The following KCNT2 variants were observed in gnomAD, a reference collection of about 807,000 sequenced individuals.
KCNT2 encodes potassium sodium-activated channel subfamily T member 2.
Under a neutral mutation model 153.8 loss-of-function variants are expected in KCNT2, and 67 were observed. The observed-to-expected ratio is 0.44, with a 90% confidence interval of 0.36 to 0.53. KCNT2 has a LOEUF of 0.53. Ranked by LOEUF, KCNT2 falls within the 20% of genes least tolerant of loss-of-function variation. The probability of loss-of-function intolerance (pLI) is 0.00; values close to 1 mark genes in which losing one functional copy is unlikely to be tolerated. For missense variants in KCNT2, 975 were observed against 1,354.8 expected (o/e 0.72, Z 4.40); for synonymous variants, 500 against 458.8 (o/e 1.09, Z -1.15).
intron 8 of KCNT2, among the ~76,000 whole-genome samples, chr1:196,434,684 A>T (rs944220455): frequency 1.3e-5 from 2 of 151,964 alleles, no homozygotes; most frequent in African/African-American, 4.8e-5. Flanking sequence ...CCATCAAGAT[A>T]TGAAGTCTAT....
intron 25 of KCNT2, among the ~76,000 whole-genome samples, chr1:196,277,719 T>TA (rs1251200974): frequency 6.6e-6 from 1 of 152,202 alleles, no homozygotes; most frequent in African/African-American, 2.4e-5. Context: ...TTTTGAACAC[T>TA]AATGGTTATT....
At chr1:196,291,684 T>G (rs1660198799) in intron 22 of KCNT2, among the ~76,000 whole-genome samples, 1 of 152,154 alleles carries the variant, frequency 6.6e-6, no homozygotes, top group Admixed American at 6.5e-5. Context: ...AAATCTGAAC[T>G]ACAGAGGAGT....
intron 22 of KCNT2, among the ~76,000 whole-genome samples, chr1:196,296,950 G>A (rs1660727529): frequency 6.6e-6 from 1 of 151,884 alleles, no homozygotes; most frequent in Non-Finnish European, 1.5e-5. Context: ...AAAATCATTG[G>A]TTTCATGTCC....
At chr1:196,532,484 T>C (rs1655077014) in intron 1 of KCNT2, among the ~76,000 whole-genome samples, 1 of 151,962 alleles carries the variant, frequency 6.6e-6, no homozygotes, top group Non-Finnish European at 1.5e-5. Flanking sequence ...AAAATCTATA[T>C]AAACAAGAGA....
intron 24 of KCNT2, 34 bp from the exon 25 acceptor site, chr1:196,281,022 G>A (rs749425884): frequency 5.2e-6 from 8 of 1,549,286 alleles, no homozygotes; most frequent in Middle Eastern, 3.5e-4. Flanking sequence ...CATATTAAAT[G>A]TGTCAGAAAT....
At position 196,372,288 on chromosome 1, in the gene KCNT2, G is replaced by C. The variant is rs1273632332; in HGVS notation, c.1403+852C>G. Among the ~76,000 whole-genome samples, 3 of 151,852 alleles carry C rather than the reference G, an allele frequency of 2.0e-5. No homozygotes were observed. In the South Asian group the frequency reaches 6.2e-4, roughly 31 times the overall value. On this transcript the variant is annotated intron_variant, in intron 14 of 27. Coordinates refer to ENST00000294725, the MANE Select transcript of KCNT2 (RefSeq NM_198503.5). ...CCATCTATAAATAAATCTCAAAAAA[G>C]AATTTTCCTTTTTCTGGATTTATTT...
chr1:196,430,735 C>T (rs777706130), intron 8 of KCNT2, among the ~76,000 whole-genome samples: 4 of 151,890 alleles, frequency 2.6e-5, no homozygotes, highest in Non-Finnish European at 5.9e-5. Context: ...TGTTAGATGT[C>T]CTCAAATTAG....
At chr1:196,452,278 A>G (rs1405229975) in intron 8 of KCNT2, among the ~76,000 whole-genome samples, 1 of 152,014 alleles carries the variant, frequency 6.6e-6, no homozygotes, top group Non-Finnish European at 1.5e-5. Flanking sequence ...CTTTGAATGA[A>G]TCCAAAGAAA....
At chr1:196,559,980 T>C (rs1442550557) in intron 1 of KCNT2, among the ~76,000 whole-genome samples, 1 of 151,892 alleles carries the variant, frequency 6.6e-6, no homozygotes, top group African/African-American at 2.4e-5. Flanking sequence ...TTAGGAAGGT[T>C]TTCTCCATTC....
At chr1:196,240,397 A>T (rs893430470) in intron 26 of KCNT2, among the ~76,000 whole-genome samples, 1 of 152,016 alleles carries the variant, frequency 6.6e-6, no homozygotes, top group Non-Finnish European at 1.5e-5. Flanking sequence ...ATAAATAACA[A>T]ATATAATTTA....
chr1:196,413,853 T>C (rs1227975149), intron 12 of KCNT2, among the ~76,000 whole-genome samples: 2 of 151,644 alleles, frequency 1.3e-5, no homozygotes, highest in African/African-American at 4.8e-5. Flanking sequence ...TGCTTATTAA[T>C]TTTGCATTTT....
intron 12 of KCNT2, 29 bp downstream of exon 12, chr1:196,423,021 A>G: frequency 6.9e-7 from 1 of 1,455,002 alleles, no homozygotes; most frequent in Non-Finnish European, 9.4e-7. Flanking sequence ...GGAAAGCACA[A>G]CTTACTAAAA....
At chr1:196,338,948 C>CA (rs976388530) in intron 16 of KCNT2, among the ~76,000 whole-genome samples, 12,634 of 37,546 alleles carry the variant, frequency 0.34, 2,351 homozygotes, top group African/African-American at 0.45. Context: ...TGCTTTTTAG[C>CA]AAAAAAAAAA....
At chr1:196,405,353 C>G (rs970257231) in intron 12 of KCNT2, among the ~76,000 whole-genome samples, 2 of 151,412 alleles carry the variant, frequency 1.3e-5, no homozygotes, top group Admixed American at 1.3e-4. Context: ...ATCTGAGTGT[C>G]TGTTGCTACT....
At chr1:196,396,836 TTTTTTTTTA>T (rs1290165532) in intron 13 of KCNT2, among the ~76,000 whole-genome samples, 1 of 149,834 alleles carries the variant, frequency 6.7e-6, no homozygotes, top group African/African-American at 2.4e-5. Flanking sequence ...ATAGTCCGTA[TTTTTTTTTA>T]GCAGTAGACT....
intron 21 of KCNT2, among the ~76,000 whole-genome samples, chr1:196,311,935 G>C (rs1166403564): frequency 6.6e-6 from 1 of 151,784 alleles, no homozygotes; most frequent in Non-Finnish European, 1.5e-5. Context: ...ATTTTGTTTT[G>C]TGGGTTTAAA....
chr1:196,299,124 A>G (rs532736453), intron 22 of KCNT2, among the ~76,000 whole-genome samples: 1 of 152,152 alleles, frequency 6.6e-6, no homozygotes, highest in African/African-American at 2.4e-5. Context: ...AAGAGAAAAG[A>G]AATAAGCCTT....
chr1:196,325,108 G>T (rs1403521325), intron 19 of KCNT2, among the ~76,000 whole-genome samples: 22 of 152,106 alleles, frequency 1.4e-4, no homozygotes, highest in Admixed American at 1.4e-3. Context: ...TTCATAGAGT[G>T]AACTCCAGTC....
At chr1:196,331,747 G>C (rs1664485420) in intron 17 of KCNT2, among the ~76,000 whole-genome samples, 1 of 151,980 alleles carries the variant, frequency 6.6e-6, no homozygotes, top group Admixed American at 6.6e-5. Context: ...AAAATAAATA[G>C]TAATGGTAAT....
Sources: gnomAD v4.1 joint callset for allele counts (sites outside exome capture counted in the v4.1 genomes callset) on GRCh38, gnomAD v4.1.1 for gene constraint, MANE v1.5 for transcripts, NCBI Gene and HGNC (gene_info 2026-07-23, HGNC 2026-07-21) for gene names.